MAP2: variants seen among roughly 807,000 people sequenced by gnomAD.
MAP2 encodes microtubule-associated protein 2.
In MAP2, 14 loss-of-function variants were observed where a neutral mutation model predicts 137.6. The observed-to-expected ratio is 0.10, with a 90% CI of 0.07 to 0.16. MAP2 has a LOEUF of 0.16. MAP2 is among the 10% of genes least tolerant of loss of function. MAP2 has a pLI of 1.00. For synonymous variants in MAP2, 786 were observed against 782.3 expected, an observed-to-expected ratio of 1.00 and a Z score of -0.08; for missense variants, 2,088 against 2,191.5, an observed-to-expected ratio of 0.95 and a Z score of 0.94.
chr2:209,708,157 G>T (rs2064078650), intron 12 of MAP2, among the ~76,000 whole-genome samples: 1 of 152,130 alleles, frequency 6.6e-6, no homozygotes, highest in Non-Finnish European at 1.5e-5. Flanking sequence ...AAAGTATTCA[G>T]ACAGACATAG....
rs1319830964 is a variant in MAP2, at chr2:209,729,275, C to T, written c.5156-575C>T. On this transcript the variant is annotated intron_variant, in intron 14 of 15. Coordinates refer to ENST00000682079, the MANE Select transcript of MAP2 (RefSeq NM_001375505.1). ...ATGATCTGTCACTCCATATATGAAACGGGAGGCTTTTAAAGCTTACTAGTC... is the reference window on the plus strand; with the variant it reads ...ATGATCTGTCACTCCATATATGAAATGGGAGGCTTTTAAAGCTTACTAGTC... Among the ~76,000 whole-genome samples the T allele has an allele frequency of 3.9e-5, 6 of 152,256 alleles. No individual in the cohort carries two copies. The East Asian group carries it at 7.7e-4, about 20-fold the overall frequency.
At chr2:209,715,605 T>C (rs188805842) in intron 13 of MAP2, among the ~76,000 whole-genome samples, 1 of 151,986 alleles carries the variant, frequency 6.6e-6, no homozygotes, top group East Asian at 1.9e-4. Flanking sequence ...TAAGAGGAAA[T>C]TGCATTTCTG....
chr2:209,659,341 A>G (rs2042350842), intron 5 of MAP2, among the ~76,000 whole-genome samples: 2 of 152,104 alleles, frequency 1.3e-5, no homozygotes, highest in Non-Finnish European at 1.5e-5. Context: ...CTACTTTTCT[A>G]TCACAGTTGT....
At chr2:209,500,223 A>G (rs1340952020) in intron 1 of MAP2, among the ~76,000 whole-genome samples, 1 of 152,100 alleles carries the variant, frequency 6.6e-6, no homozygotes, top group Admixed American at 6.5e-5. Context: ...GTCCACTTTC[A>G]CCTACAAAAT....
At chr2:209,633,005 C>T (rs2153556306) in intron 4 of MAP2, among the ~76,000 whole-genome samples, 1 of 152,220 alleles carries the variant, frequency 6.6e-6, no homozygotes, top group African/African-American at 2.4e-5. Context: ...TCTAAAGCTC[C>T]AAACATATTA....
intron 4 of MAP2, among the ~76,000 whole-genome samples, chr2:209,631,005 CAAA>C (rs776266690): frequency 3.6e-3 from 151 of 42,004 alleles, no homozygotes; most frequent in African/African-American, 9.9e-3. Context: ...GAGCTACAAG[CAAA>C]AAAAAAAAAA....
chr2:209,671,403 A>G (rs1390960070), intron 5 of MAP2, among the ~76,000 whole-genome samples: 3 of 151,912 alleles, frequency 2.0e-5, no homozygotes, highest in Non-Finnish European at 4.4e-5. Context: ...TTCTTTCCCT[A>G]TTTTTATGAA....
At chr2:209,720,223 T>C (rs557280245) in intron 13 of MAP2, among the ~76,000 whole-genome samples, 21 of 152,284 alleles carry the variant, frequency 1.4e-4, no homozygotes, top group Admixed American at 3.3e-4. Context: ...GGGAGAGCTA[T>C]AGGAAGATGA....
chr2:209,502,226 T>C (rs2060466985), intron 1 of MAP2, among the ~76,000 whole-genome samples: 1 of 152,178 alleles, frequency 6.6e-6, no homozygotes, highest in Non-Finnish European at 1.5e-5. Flanking sequence ...TGACCTTATA[T>C]CTTTTGGCTA....
At chr2:209,434,861 T>G (rs1388408779) in intron 1 of MAP2, among the ~76,000 whole-genome samples, 1 of 113,292 alleles carries the variant, frequency 8.8e-6, no homozygotes, top group South Asian at 2.8e-4. Flanking sequence ...TATATATATA[T>G]GTTATATATA....
intron 1 of MAP2, among the ~76,000 whole-genome samples, chr2:209,486,698 T>C (rs2058430705): frequency 1.3e-5 from 2 of 152,228 alleles, no homozygotes; most frequent in African/African-American, 2.4e-5. Flanking sequence ...AAATACGTTA[T>C]TGAAAAATTA....
At chr2:209,720,914 G>A (rs1316539583) in intron 13 of MAP2, among the ~76,000 whole-genome samples, 2 of 151,478 alleles carry the variant, frequency 1.3e-5, no homozygotes, top group Middle Eastern at 3.4e-3. Flanking sequence ...TTTATCCATA[G>A]AACCCAGAGT....
At chr2:209,647,386 A>G (rs1350031380) in intron 4 of MAP2, among the ~76,000 whole-genome samples, 3 of 152,230 alleles carry the variant, frequency 2.0e-5, no homozygotes, top group Non-Finnish European at 2.9e-5. Context: ...ACTCAACAGT[A>G]TTAAACATGT....
intron 3 of MAP2, among the ~76,000 whole-genome samples, chr2:209,597,586 G>C (rs1341835779): frequency 6.6e-6 from 1 of 152,134 alleles, no homozygotes; most frequent in African/African-American, 2.4e-5. Flanking sequence ...ATCTAATCAT[G>C]ATATTTCTGT....
At chr2:209,501,024 T>G (rs2060313080) in intron 1 of MAP2, among the ~76,000 whole-genome samples, 1 of 105,056 alleles carries the variant, frequency 9.5e-6, no homozygotes, top group Admixed American at 1.3e-4. Context: ...GACAATAGAG[T>G]GAGACCCTGT....
intron 1 of MAP2, among the ~76,000 whole-genome samples, chr2:209,456,852 T>C (rs76594143): frequency 0.068 from 10,390 of 152,236 alleles, 447 homozygotes; most frequent in Middle Eastern, 0.1. Flanking sequence ...CATTCAAGAA[T>C]TGGGAGTTGG....
rs2153820067 is a variant in MAP2 at position 209,730,317 on chromosome 2, A to G, written c.5404A>G (p.Ser1802Gly). 1 of 1,614,102 alleles carries G rather than the reference A, an allele frequency of 6.2e-7. No homozygotes were observed. Among genetic ancestry groups the G allele is most frequent in the South Asian group, 1.1e-5 (1 of 91,080 alleles). Reference sequence around the variant, plus strand: ...ACTCAGCAATGTCTCCTCGTCTGGAAGCATCAACCTGCTCGAATCTCCTCA... The same window carrying G: ...ACTCAGCAATGTCTCCTCGTCTGGAGGCATCAACCTGCTCGAATCTCCTCA... ...RRLSNVSSSGSINLLESPQLA... is the reference protein window; with the variant it reads ...RRLSNVSSSGGINLLESPQLA... The change falls in exon 16 of 16, where the codon AGC (serine) becomes GGC (glycine). Residue 1802 changes from serine to glycine, a missense_variant. Coordinates refer to ENST00000682079, the MANE Select transcript of MAP2 (RefSeq NM_001375505.1).
intron 2 of MAP2, among the ~76,000 whole-genome samples, chr2:209,545,032 T>A (rs2067773424): frequency 6.6e-6 from 1 of 152,106 alleles, no homozygotes. Context: ...TATTTTTGCC[T>A]GTTAGGAAAA....
At chr2:209,437,730 G>A (rs1296488602) in intron 1 of MAP2, among the ~76,000 whole-genome samples, 1 of 151,534 alleles carries the variant, frequency 6.6e-6, no homozygotes, top group Non-Finnish European at 1.5e-5. Context: ...GGAGTGTCAA[G>A]GGAAATGGCA....
Sources: allele counts gnomAD v4.1 joint callset (sites outside exome capture counted in the v4.1 genomes callset), GRCh38; gene constraint gnomAD v4.1.1; transcripts MANE v1.5; gene names NCBI Gene and HGNC (gene_info 2026-07-23, HGNC 2026-07-21).